Variants in AFAP1L1 observed in about 807,000 individuals in gnomAD.
AFAP1L1 encodes the protein actin filament-associated protein 1-like 1.
AFAP1L1 carries 77 observed loss-of-function variants against 99.8 expected under a neutral mutation model. That is an observed-to-expected ratio of 0.77 (90% CI 0.64 to 0.93). AFAP1L1 has a LOEUF of 0.93. Among genes scored for constraint, AFAP1L1 ranks in the 40% least tolerant of loss-of-function variants. The pLI, the probability that AFAP1L1 is intolerant of heterozygous loss-of-function variation, is 0.00. For synonymous variants in AFAP1L1, 373 were observed against 395.3 expected (o/e 0.94, Z 0.67); for missense variants, 893 against 996.8 (o/e 0.90, Z 1.40).
intron 9 of AFAP1L1, among the ~76,000 whole-genome samples, chr5:149,313,786 C>T (rs1394372792): frequency 2.0e-5 from 3 of 152,198 alleles, no homozygotes; most frequent in Non-Finnish European, 4.4e-5. Flanking sequence ...TGGGCCCCTG[C>T]CTCTGCCTCA....
intron 14 of AFAP1L1, among the ~76,000 whole-genome samples, chr5:149,321,915 C>G (rs2127600552): frequency 6.6e-6 from 1 of 151,872 alleles, no homozygotes; most frequent in East Asian, 1.9e-4. Context: ...TCTGTTGTCC[C>G]AACTACTCGG....
intron 13 of AFAP1L1, 27 bp downstream of exon 13, chr5:149,319,754 C>T (rs1163222639): frequency 6.2e-7 from 1 of 1,608,386 alleles, no homozygotes; most frequent in African/African-American, 1.3e-5. Context: ...CTGGCCACAC[C>T]TGCCCAGGAC....
intron 1 of AFAP1L1, among the ~76,000 whole-genome samples, chr5:149,281,877 A>T (rs887662380): frequency 6.6e-6 from 1 of 152,178 alleles, no homozygotes; most frequent in East Asian, 1.9e-4. Flanking sequence ...GGTCTGAATA[A>T]TTCTAGGGAA....
rs113265380 is a variant in AFAP1L1 at position 149,299,676 on chromosome 5, T to C, written c.145+39T>C. On this transcript the variant is annotated intron_variant, in intron 2 of 18. Transcript: ENST00000296721. ...AGCCTGCCTGGAGGAGCTCCACTTA[T>C]GTAGGACAACAAAACCTCCCTTCAC... The C allele has an allele frequency of 6.2e-6, 10 of 1,612,928 alleles. No individual in the cohort carries two copies. In the African/African-American group the frequency reaches 6.7e-5, roughly 11 times the overall value.
chr5:149,318,099 G>GACAACACA (rs943188614), intron 12 of AFAP1L1, among the ~76,000 whole-genome samples, 159 bp downstream of exon 12: 5 of 152,142 alleles, frequency 3.3e-5, no homozygotes, highest in Non-Finnish European at 7.4e-5. Flanking sequence ...TAGATTATAA[G>GACAACACA]ACAACACACA....
At chr5:149,302,575 A>G in intron 5 of AFAP1L1, 49 bp downstream of exon 5, 3 of 1,485,532 alleles carry the variant, frequency 2.0e-6, no homozygotes, top group Non-Finnish European at 1.8e-6. Context: ...GTCCCTGAGA[A>G]GCCAAATTTA....
chr5:149,312,004 A>C lies in AFAP1L1; in HGVS notation c.928-108A>C, dbSNP rs1756644214. 41 of 986,914 alleles carry C rather than the reference A, an allele frequency of 4.2e-5. No individual in the cohort carries two copies. The South Asian group carries it at 4.2e-4, about 10-fold the overall frequency. 61.1% of individuals were successfully genotyped at this position (986,914 alleles called of 1,614,324 possible). On this transcript the variant is annotated intron_variant, in intron 8 of 18. Coordinates refer to ENST00000296721, the MANE Select transcript of AFAP1L1 (RefSeq NM_152406.4). The stretch of plus-strand genomic sequence containing the variant: ...CTGTGTCAGTCCATCTGTTCCCCAC[A>C]GTGGCCCTGACCCTCTGTTCTACAG...
chr5:149,335,529 C>A (rs558970788), intron 17 of AFAP1L1, 65 bp from the exon 18 acceptor site: 8 of 1,541,842 alleles, frequency 5.2e-6, no homozygotes, highest in Non-Finnish European at 7.0e-6. Context: ...CTTTTGAGGG[C>A]AGGCTGGGTG....
intron 9 of AFAP1L1, 38 bp from the exon 10 acceptor site, chr5:149,315,783 G>A: frequency 6.3e-7 from 1 of 1,580,498 alleles, no homozygotes; most frequent in Non-Finnish European, 8.7e-7. Context: ...ACTTCTGAAT[G>A]TGCCCTCTGA....
chr5:149,292,412 A>G (rs1755886317), intron 1 of AFAP1L1, among the ~76,000 whole-genome samples: 1 of 152,188 alleles, frequency 6.6e-6, no homozygotes. Context: ...GCTATCTAAC[A>G]TCTTATTTTG....
intron 12 of AFAP1L1, among the ~76,000 whole-genome samples, chr5:149,319,140 A>T (rs2127599581): frequency 6.6e-6 from 1 of 152,316 alleles, no homozygotes; most frequent in South Asian, 2.1e-4. Flanking sequence ...CTTCTTGGAG[A>T]TTTTCCTATA....
chr5:149,274,355 C>A (rs1394883382), intron 1 of AFAP1L1, among the ~76,000 whole-genome samples: 1 of 152,134 alleles, frequency 6.6e-6, no homozygotes, highest in Non-Finnish European at 1.5e-5. Flanking sequence ...TTTTAAAAAT[C>A]AACATTGCTG....
At chr5:149,308,226 T>A (rs1004387518) in intron 7 of AFAP1L1, among the ~76,000 whole-genome samples, 3 of 152,218 alleles carry the variant, frequency 2.0e-5, no homozygotes, top group African/African-American at 7.2e-5. Flanking sequence ...TAATCACTTT[T>A]AAATTTTTGT....
chr5:149,298,883 A>G (rs147079101), intron 1 of AFAP1L1, among the ~76,000 whole-genome samples: 60 of 152,354 alleles, frequency 3.9e-4, no homozygotes, highest in African/African-American at 1.4e-3. Flanking sequence ...CAGAATTTGC[A>G]TTTTGACAAG....
chr5:149,331,081 C>G (rs1757242058), intron 16 of AFAP1L1, among the ~76,000 whole-genome samples: 2 of 151,944 alleles, frequency 1.3e-5, no homozygotes, highest in Admixed American at 1.3e-4. Flanking sequence ...ATTTTTAAAC[C>G]TGGTAAGACC....
At position 149,310,130 on chromosome 5, in the gene AFAP1L1, C is replaced by T. The variant is rs771042750; in HGVS notation, c.922C>T (p.Leu308=). The change falls in exon 8 of 19, where the codon CTG becomes TTG. Residue 308 remains leucine (L), a synonymous_variant. Coordinates refer to ENST00000296721, the MANE Select transcript of AFAP1L1 (RefSeq NM_152406.4). ...GAGCCGAGAGCAGGCCGAGGAGTGGCTGAAGGTGCGTGGCCTGCACCTGAC... is the reference window on the plus strand; with the variant it reads ...GAGCCGAGAGCAGGCCGAGGAGTGGTTGAAGGTGCGTGGCCTGCACCTGAC... ...LQSREQAEEW[L]KVIREVSKPV... is the part of the protein sequence containing the mutation. The T allele has an allele frequency of 4.4e-6, 7 of 1,596,622 alleles. No individual in the cohort carries two copies. The highest frequency in any genetic ancestry group is 2.3e-5 in the South Asian group (2 of 88,654).
At chr5:149,314,076 G>C (rs1479924341) in intron 9 of AFAP1L1, among the ~76,000 whole-genome samples, 1 of 152,210 alleles carries the variant, frequency 6.6e-6, no homozygotes, top group Admixed American at 6.5e-5. Flanking sequence ...TGAGCCTTAA[G>C]GCATAGGCAA....
At chr5:149,312,015 C>A in intron 8 of AFAP1L1, 97 bp from the exon 9 acceptor site, 3 of 1,122,932 alleles carry the variant, frequency 2.7e-6, no homozygotes, top group Admixed American at 3.8e-5. Context: ...GTGGCCCTGA[C>A]CCTCTGTTCT....
At chr5:149,339,178 C>CT (rs35468603) in intron 18 of AFAP1L1, among the ~76,000 whole-genome samples, 7,818 of 126,082 alleles carry the variant, frequency 0.062, 406 homozygotes, top group African/African-American at 0.11. Flanking sequence ...CCCAATAAAG[C>CT]TTTTTTTTTT....
Sources: gnomAD v4.1 joint callset for allele counts (sites outside exome capture counted in the v4.1 genomes callset) on GRCh38, gnomAD v4.1.1 for gene constraint, MANE v1.5 for transcripts, NCBI Gene and HGNC (gene_info 2026-07-23, HGNC 2026-07-21) for gene names.